Variants in DGCR2 observed in about 807,000 individuals in gnomAD.
The protein encoded by DGCR2 is integral membrane protein DGCR2/IDD.
A neutral mutation model predicts 51.6 loss-of-function variants in DGCR2; 24 were observed. The observed-to-expected ratio is 0.47, with a 90% CI of 0.34 to 0.65. DGCR2 has a LOEUF of 0.65. Ranked by LOEUF, DGCR2 falls within the 30% of genes least tolerant of loss-of-function variation. The pLI is 0.01. For missense variants in DGCR2, 765 were observed against 772.1 expected (o/e 0.99, Z 0.11); for synonymous variants, 340 against 315.4 (o/e 1.08, Z -0.82).
intron 1 of DGCR2, among the ~76,000 whole-genome samples, chr22:19,101,733 C>G (rs2083204277): frequency 1.2e-5 from 1 of 85,758 alleles, no homozygotes; most frequent in Non-Finnish European, 2.1e-5. Flanking sequence ...AGGAGCAAAA[C>G]TGTTAAAAAA....
chr22:19,111,188 C>T (rs746717196), intron 1 of DGCR2, among the ~76,000 whole-genome samples: 14 of 152,202 alleles, frequency 9.2e-5, no homozygotes, highest in Non-Finnish European at 1.8e-4. Context: ...ATTGCAATCA[C>T]TGTGTGGTGA....
chr22:19,083,642 T>C (rs2082966494), intron 2 of DGCR2, among the ~76,000 whole-genome samples: 1 of 151,918 alleles, frequency 6.6e-6, no homozygotes, highest in South Asian at 2.1e-4. Context: ...TACACATCTT[T>C]TGTTAATTCT....
Position 19,039,159 on chromosome 22 carries a change from G to A in DGCR2, c.1397-38C>T, listed in dbSNP as rs561271218. 67 of 1,609,390 alleles carry A rather than the reference G, an allele frequency of 4.2e-5. No homozygotes were observed. The East Asian group carries it at 4.9e-4, about 12-fold the overall frequency. ...ACAGAGGGGTGTCAGAGGCAGGTAC[G>A]GGCCTGGCACAGGGGATGCAGGGGA... On this transcript the variant is annotated intron_variant, in intron 9 of 9. Coordinates refer to ENST00000263196, the MANE Select transcript of DGCR2 (RefSeq NM_005137.3).
At chr22:19,118,601 C>T (rs751743441) in intron 1 of DGCR2, among the ~76,000 whole-genome samples, 1 of 152,088 alleles carries the variant, frequency 6.6e-6, no homozygotes, top group African/African-American at 2.4e-5. Context: ...GCTAGCTGTA[C>T]CAACAATAGA....
chr22:19,067,892 T>C (rs1361784599), intron 3 of DGCR2, among the ~76,000 whole-genome samples: 4 of 152,254 alleles, frequency 2.6e-5, no homozygotes, highest in African/African-American at 9.6e-5. Context: ...TCAGAGCCGG[T>C]TGACTTCCTA....
intron 2 of DGCR2, among the ~76,000 whole-genome samples, chr22:19,076,723 C>T (rs761884554): frequency 2.5e-5 from 3 of 118,762 alleles, no homozygotes; most frequent in Non-Finnish European, 5.3e-5. Flanking sequence ...GTCCTTTGCA[C>T]ATTTTTTTTT....
chr22:19,076,831 T>C (rs1331376981), intron 2 of DGCR2, among the ~76,000 whole-genome samples: 2 of 145,658 alleles, frequency 1.4e-5, no homozygotes, highest in East Asian at 2.1e-4. Flanking sequence ...CCAGGATTCA[T>C]GCCATTCTCC....
chr22:19,061,157 C>A, intron 5 of DGCR2: 1 of 232,994 alleles, frequency 4.3e-6, no homozygotes, highest in Non-Finnish European at 8.7e-6. Flanking sequence ...GGGGGGCCAA[C>A]ACCTCAGACC....
chr22:19,077,708 T>C (rs2082893818), intron 2 of DGCR2, among the ~76,000 whole-genome samples: 1 of 152,198 alleles, frequency 6.6e-6, no homozygotes, highest in Non-Finnish European at 1.5e-5. Context: ...TAAATTTTTC[T>C]ACTTCAGCAA....
chr22:19,119,989 A>T (rs1313768391), intron 1 of DGCR2, among the ~76,000 whole-genome samples: 1 of 152,048 alleles, frequency 6.6e-6, no homozygotes, highest in Non-Finnish European at 1.5e-5. Flanking sequence ...GCAGACTAAG[A>T]CCAGAGAAGC....
At chr22:19,062,778 C>CTCTCTCTCTTCTCTCTTCTCTCT (rs2082687460) in intron 5 of DGCR2, among the ~76,000 whole-genome samples, 3 of 133,458 alleles carry the variant, frequency 2.2e-5, no homozygotes, top group Non-Finnish European at 4.8e-5. Context: ...CATGCATGCT[C>CTCTCTCTCTTCTCTCTTCTCTCT]ACTCTCTCTC....
At chr22:19,118,374 CA>C (rs923572855) in intron 1 of DGCR2, among the ~76,000 whole-genome samples, 10,827 of 57,116 alleles carry the variant, frequency 0.19, 151 homozygotes, top group South Asian at 0.26. Context: ...CCATCGCAAA[CA>C]AAAAAAAAAA....
intron 6 of DGCR2, among the ~76,000 whole-genome samples, chr22:19,051,142 T>C (rs1034419551): frequency 5.6e-5 from 8 of 142,114 alleles, no homozygotes; most frequent in African/African-American, 2.1e-4. Context: ...TGAGCCAAGA[T>C]TGCACCACTT....
chr22:19,115,652 G>A (rs979292685), intron 1 of DGCR2, among the ~76,000 whole-genome samples: 47 of 152,214 alleles, frequency 3.1e-4, no homozygotes, highest in African/African-American at 1.1e-3. Flanking sequence ...GTCTGTGCCT[G>A]ACCAGGCCCA....
Position 19,064,881 on chromosome 22 carries a change from G to C in DGCR2, c.515C>G (p.Pro172Arg). The C allele has an allele frequency of 6.2e-7, 1 of 1,613,858 alleles. No homozygotes were observed. Among genetic ancestry groups the C allele is most frequent in the Non-Finnish European group, 8.5e-7 (1 of 1,180,000 alleles). Residue 172 changes from proline (P) to arginine (R), a missense_variant, in exon 4 of 10, where the codon CCC becomes CGC. By Grantham distance (103) the Pro-to-Arg change is moderately radical. Transcript: ENST00000263196. The stretch of plus-strand genomic sequence containing the variant: ...GTCCTTCCAACCAAAGCTCCGCTCG[G>C]GCTGGTCCCATTCCTGGGCCAGGAC... ...RFVLAQEWDQ[P>R]ERSFGWKDQR...
intron 1 of DGCR2, among the ~76,000 whole-genome samples, chr22:19,118,444 C>A (rs1328018980): frequency 2.0e-5 from 3 of 151,762 alleles, no homozygotes; most frequent in African/African-American, 7.3e-5. Flanking sequence ...CTTCTCAGCT[C>A]CCTGAGATGT....
At chr22:19,040,282 TAAAC>T (rs972714655) in intron 9 of DGCR2, among the ~76,000 whole-genome samples, 8 of 152,212 alleles carry the variant, frequency 5.3e-5, no homozygotes, top group East Asian at 1.9e-4. Flanking sequence ...GGCAGCTGAC[TAAAC>T]AAACGAACAG....
rs1015095489 is a variant in DGCR2, at chr22:19,048,617, T to C, written c.829A>G (p.Asn277Asp). The change falls in exon 7 of 10, where the codon AAC (asparagine) becomes GAC (aspartate). Residue 277 changes from asparagine (N) to aspartate (D), a missense_variant. Physicochemically the swap from Asn to Asp is conservative, Grantham distance 23. Transcript: ENST00000263196. ...AAGTAGAACCCTTCATCCACCACGT[T>C]GTCCTTGATGTCAACACATGTTTGA... ...RSQTCVDIKD[N>D]VVDEGFYFTP... 3 of 1,614,242 alleles carry C rather than the reference T, an allele frequency of 1.9e-6. No individual in the cohort carries two copies. The highest frequency in any genetic ancestry group is 1.7e-6 in the Non-Finnish European group (2 of 1,180,036).
Position 19,040,065 on chromosome 22 carries a change from C to T in DGCR2, c.1397-944G>A, listed in dbSNP as rs555134341. Among the ~76,000 whole-genome samples the T allele has an allele frequency of 8.5e-5, 13 of 152,296 alleles. No individual in the cohort carries two copies. In the East Asian group the frequency reaches 1.5e-3, roughly 18 times the overall value. On this transcript the variant is annotated intron_variant, in intron 9 of 9. Coordinates refer to ENST00000263196, the MANE Select transcript of DGCR2 (RefSeq NM_005137.3). ...TCTGAAAGCTAACAGCACAAGGCCC[C>T]GGTGATGCACCTCCCTCCCGGCCAG...
Sources: gnomAD v4.1 joint callset for allele counts (sites outside exome capture counted in the v4.1 genomes callset) on GRCh38, gnomAD v4.1.1 for gene constraint, MANE v1.5 for transcripts, NCBI Gene and HGNC (gene_info 2026-07-23, HGNC 2026-07-21) for gene names.